The following PTPRN2 variants were observed in gnomAD, a reference collection of about 807,000 sequenced individuals.
The protein encoded by PTPRN2 is protein tyrosine phosphatase receptor type N2.
In PTPRN2, 74 loss-of-function variants were observed where a neutral mutation model predicts 118.8. That is an observed-to-expected ratio of 0.62 (90% CI 0.52 to 0.76). The LOEUF (loss-of-function observed/expected upper bound fraction) is 0.76, where lower values mean the gene tolerates loss of function less well. PTPRN2 is among the 30% of genes least tolerant of loss of function. The pLI, the probability that PTPRN2 is intolerant of heterozygous loss-of-function variation, is 0.00. For missense variants in PTPRN2, 1,481 were observed against 1,394.4 expected (o/e 1.06, Z -0.99); for synonymous variants, 641 against 608.0 (o/e 1.05, Z -0.80).
intron 6 of PTPRN2, among the ~76,000 whole-genome samples, chr7:158,164,704 T>G (rs1822768740): frequency 1.3e-5 from 2 of 152,096 alleles, no homozygotes; most frequent in Admixed American, 6.5e-5. Flanking sequence ...GAATGGGGCT[T>G]TTTAAGCTGT....
chr7:157,758,267 A>C (rs980437202), intron 12 of PTPRN2, among the ~76,000 whole-genome samples: 1 of 152,232 alleles, frequency 6.6e-6, no homozygotes, highest in Non-Finnish European at 1.5e-5. Context: ...TGTTGCCCAC[A>C]GTCCAGGCCT....
chr7:157,962,987 C>T (rs6955440), intron 11 of PTPRN2, among the ~76,000 whole-genome samples: 2,501 of 152,282 alleles, frequency 0.016, 55 homozygotes, highest in African/African-American at 0.056. Context: ...TATCTATGAA[C>T]GGGGTTTTCC....
chr7:158,548,122 C>T (rs1826419743), intron 1 of PTPRN2, among the ~76,000 whole-genome samples: 1 of 152,230 alleles, frequency 6.6e-6, no homozygotes. Flanking sequence ...CAGGCGACAT[C>T]CACTCTGCAT....
At chr7:158,341,292 G>A (rs1259789513) in intron 2 of PTPRN2, among the ~76,000 whole-genome samples, 6 of 149,786 alleles carry the variant, frequency 4.0e-5, no homozygotes, top group East Asian at 4.0e-4. Flanking sequence ...CATAAGAGCC[G>A]ACGCCCATAG....
intron 12 of PTPRN2, among the ~76,000 whole-genome samples, chr7:157,746,303 A>G (rs914069336): frequency 6.8e-6 from 1 of 146,766 alleles, no homozygotes; most frequent in African/African-American, 2.6e-5. Flanking sequence ...CCTAGACCCT[A>G]CAGTCCTCAC....
At position 157,615,308 on chromosome 7, in the gene PTPRN2, T is replaced by G; in HGVS notation, c.2344+6054A>C. On this transcript the variant is annotated intron_variant, in intron 15 of 22. Coordinates refer to ENST00000389418, the MANE Select transcript of PTPRN2 (RefSeq NM_002847.5). The surrounding 1 kb of genome is among the most constrained non-coding windows in gnomAD (Gnocchi z 4.3). ...GCCCTGCAAGAGCGGTGTGCGTGGG[T>G]TGCGGCTGGGTCTGCGCTGGGGTAG... The G allele has an allele frequency of 2.6e-6, 1 of 380,470 alleles. No individual in the cohort carries two copies. The allele number at this position is 380,470 out of a possible 1,614,324, so 23.6% of individuals were successfully genotyped here. A position where few individuals can be genotyped will look rare whatever the true frequency, so the allele number is the denominator to read the frequency against.
intron 12 of PTPRN2, among the ~76,000 whole-genome samples, chr7:157,722,828 G>C (rs1799318925): frequency 6.6e-6 from 1 of 152,092 alleles, no homozygotes; most frequent in African/African-American, 2.4e-5. Context: ...GCGGTGCAGG[G>C]TGGGGCTCTG....
intron 14 of PTPRN2, among the ~76,000 whole-genome samples, chr7:157,631,710 T>C (rs1343815108): frequency 6.6e-6 from 1 of 152,020 alleles, no homozygotes; most frequent in Non-Finnish European, 1.5e-5. Flanking sequence ...TGGGCACCTG[T>C]AGTCCCAGCT....
At chr7:157,883,365 C>T (rs1324126946) in intron 12 of PTPRN2, among the ~76,000 whole-genome samples, 1 of 151,370 alleles carries the variant, frequency 6.6e-6, no homozygotes, top group African/African-American at 2.4e-5. Context: ...ACACAACACC[C>T]CAAAAATGAC....
At position 157,560,044 on chromosome 7, in the gene PTPRN2, C is replaced by G. The variant is rs1799101081; in HGVS notation, c.2902+8858G>C. ...CCAAGGAGGGAGCTTGCAGAAGGGA[C>G]AGCCCTCGGCCAGGTGGGACCTGAA... On this transcript the variant is annotated intron_variant, in intron 21 of 22. Coordinates refer to ENST00000389418, the MANE Select transcript of PTPRN2 (RefSeq NM_002847.5). This position sits in a 1 kb window ranked among gnomAD's most constrained non-coding sequence, Gnocchi z 6.7. Among the ~76,000 whole-genome samples, 1 of 152,204 alleles carries G rather than the reference C, an allele frequency of 6.6e-6. No individual in the cohort carries two copies. Among genetic ancestry groups the G allele is most frequent in the Non-Finnish European group, 1.5e-5 (1 of 68,042 alleles).
At chr7:158,382,028 T>C (rs1255557915) in intron 2 of PTPRN2, among the ~76,000 whole-genome samples, 2 of 152,218 alleles carry the variant, frequency 1.3e-5, no homozygotes, top group East Asian at 3.9e-4. Context: ...GGGATTTGGG[T>C]ACAGACACAG....
intron 12 of PTPRN2, among the ~76,000 whole-genome samples, chr7:157,799,646 CTAAGTCACAATT>C (rs1477934492): frequency 6.6e-6 from 1 of 152,128 alleles, no homozygotes; most frequent in Non-Finnish European, 1.5e-5. Context: ...AGTGAACTTT[CTAAGTCACAATT>C]TAAGTCACAT....
At chr7:157,748,653 T>C (rs1299040386) in intron 12 of PTPRN2, among the ~76,000 whole-genome samples, 20 of 148,140 alleles carry the variant, frequency 1.4e-4, no homozygotes, top group Admixed American at 1.3e-3. Flanking sequence ...GTCCCTGAGC[T>C]GTGGGCTGTT....
intron 6 of PTPRN2, among the ~76,000 whole-genome samples, chr7:158,139,838 A>G (rs889030799): frequency 6.6e-6 from 1 of 152,236 alleles, no homozygotes; most frequent in African/African-American, 2.4e-5. Flanking sequence ...TGAATGCCAC[A>G]TTTGAAGGGT....
At chr7:158,058,880 T>C (rs1473487244) in intron 11 of PTPRN2, among the ~76,000 whole-genome samples, 1 of 119,080 alleles carries the variant, frequency 8.4e-6, no homozygotes, top group Non-Finnish European at 1.7e-5. Flanking sequence ...CTGCCCACAG[T>C]GAGACACCAC....
chr7:158,314,072 C>A (rs10949713), intron 3 of PTPRN2, among the ~76,000 whole-genome samples: 18 of 152,074 alleles, frequency 1.2e-4, no homozygotes, highest in East Asian at 7.8e-4. Flanking sequence ...ACTCCGGCAC[C>A]CTGCCCCCGC....
Position 158,525,583 on chromosome 7 carries a change from G to C in PTPRN2, c.113-35798C>G, listed in dbSNP as rs1304520880. ...TGTATCTCCTCCCTTCCTCCTGAGA[G>C]GTCCTACGGGATGGAGTATTAATAG... On this transcript the variant is annotated intron_variant, in intron 1 of 22. Coordinates refer to ENST00000389418, the MANE Select transcript of PTPRN2 (RefSeq NM_002847.5). The surrounding 1 kb of genome is among the most constrained non-coding windows in gnomAD (Gnocchi z 4.1). Among the ~76,000 whole-genome samples, 1 of 152,210 alleles carries C rather than the reference G, an allele frequency of 6.6e-6. No individual in the cohort carries two copies. Among genetic ancestry groups the C allele is most frequent in the Non-Finnish European group, 1.5e-5 (1 of 68,042 alleles).
chr7:158,054,584 C>T (rs905803539), intron 11 of PTPRN2, among the ~76,000 whole-genome samples: 18 of 152,314 alleles, frequency 1.2e-4, no homozygotes, highest in Admixed American at 1.3e-4. Context: ...GGTGAGGTCT[C>T]GCAGGTGCAG....
intron 12 of PTPRN2, among the ~76,000 whole-genome samples, chr7:157,748,051 G>C (rs916899935): frequency 2.9e-5 from 4 of 138,604 alleles, no homozygotes; most frequent in African/African-American, 1.1e-4. Context: ...GGGCTGTCCG[G>C]GTGATTCTGA....
Sources: allele counts gnomAD v4.1 joint callset (sites outside exome capture counted in the v4.1 genomes callset), GRCh38; gene constraint gnomAD v4.1.1; non-coding constraint Gnocchi (gnomAD v3.1); transcripts MANE v1.5; gene names NCBI Gene and HGNC (gene_info 2026-07-23, HGNC 2026-07-21).